Variants in AKAP19 observed in about 807,000 individuals in gnomAD.
AKAP19 encodes A-kinase anchoring protein 19.
At chr2:190,016,815 G>T in the AKAP19 span, among the ~76,000 whole-genome samples, 1 of 152,188 alleles carries the variant, frequency 6.6e-6, no homozygotes, top group Non-Finnish European at 1.5e-5. Context: ...GGTCTAAAAT[G>T]TAGTTCAAGT....
the AKAP19 span, among the ~76,000 whole-genome samples, chr2:189,986,405 C>T: frequency 7.0e-6 from 1 of 143,100 alleles, no homozygotes; most frequent in Non-Finnish European, 1.5e-5. Context: ...AAACAAAACA[C>T]AAAAAAGAAA....
At chr2:190,008,091 C>T in the AKAP19 span, among the ~76,000 whole-genome samples, 1 of 152,182 alleles carries the variant, frequency 6.6e-6, no homozygotes, top group Non-Finnish European at 1.5e-5. Context: ...CTTGGAAAAA[C>T]CAAAGCAGTA....
the AKAP19 span, among the ~76,000 whole-genome samples, chr2:190,127,271 C>T: frequency 6.6e-6 from 1 of 151,180 alleles, no homozygotes; most frequent in Non-Finnish European, 1.5e-5. Flanking sequence ...GAGGAAAAAG[C>T]AGAATGAATG....
the AKAP19 span, among the ~76,000 whole-genome samples, chr2:189,889,038 T>C: frequency 6.6e-6 from 1 of 151,012 alleles, no homozygotes; most frequent in African/African-American, 2.4e-5. Context: ...TGCTTCCAGC[T>C]TTTGCCCATT....
the AKAP19 span, among the ~76,000 whole-genome samples, chr2:190,121,878 TTGTTTTTG>T: frequency 6.6e-6 from 1 of 152,168 alleles, no homozygotes; most frequent in African/African-American, 2.4e-5. Context: ...ATGGGATTTT[TTGTTTTTG>T]TGTTTTTTTG....
the AKAP19 span, among the ~76,000 whole-genome samples, chr2:189,905,496 G>A: frequency 6.6e-6 from 1 of 151,954 alleles, no homozygotes; most frequent in South Asian, 2.1e-4. Context: ...TAGCAGATAA[G>A]GTAGTTTTAG....
the AKAP19 span, among the ~76,000 whole-genome samples, chr2:189,883,127 C>T: frequency 5.3e-5 from 8 of 152,138 alleles, 1 homozygote; most frequent in Admixed American, 5.2e-4. Context: ...ACCTGGAGAG[C>T]TTATTAAGCG....
the AKAP19 span, among the ~76,000 whole-genome samples, chr2:189,911,240 G>A: frequency 6.6e-6 from 1 of 152,092 alleles, no homozygotes; most frequent in Admixed American, 6.5e-5. Context: ...AAGCTGAGAT[G>A]TGTTACTCTT....
the AKAP19 span, among the ~76,000 whole-genome samples, chr2:190,042,233 G>A: frequency 6.6e-6 from 1 of 152,062 alleles, no homozygotes; most frequent in Admixed American, 6.6e-5. Context: ...GTTACTTCAT[G>A]GCTCAGTGTT....
chr2:189,992,158 C>A, the AKAP19 span, among the ~76,000 whole-genome samples: 1 of 151,438 alleles, frequency 6.6e-6, no homozygotes, highest in Admixed American at 6.6e-5. Flanking sequence ...TGGACTCAAG[C>A]AATTCTCCTG....
At chr2:190,114,850 C>T in the AKAP19 span, among the ~76,000 whole-genome samples, 1 of 151,992 alleles carries the variant, frequency 6.6e-6, no homozygotes, top group Non-Finnish European at 1.5e-5. Flanking sequence ...AGTCTAATGC[C>T]TAATTTGTAT....
chr2:189,971,942 C>T, the AKAP19 span, among the ~76,000 whole-genome samples: 2 of 151,678 alleles, frequency 1.3e-5, no homozygotes, highest in East Asian at 3.9e-4. Context: ...TGCCTGTTCA[C>T]TCTGATGGTA....
At chr2:190,004,240 T>C in the AKAP19 span, among the ~76,000 whole-genome samples, 1 of 152,204 alleles carries the variant, frequency 6.6e-6, no homozygotes, top group South Asian at 2.1e-4. Context: ...AACCTGCACA[T>C]TGTGCACATG....
chr2:190,166,332 T>TC, the AKAP19 span, among the ~76,000 whole-genome samples: 1 of 143,118 alleles, frequency 7.0e-6, no homozygotes, highest in Non-Finnish European at 1.5e-5. Context: ...TTTTTTTTTT[T>TC]TTTTTTTTTG....
At chr2:189,935,730 A>C in the AKAP19 span, among the ~76,000 whole-genome samples, 1 of 152,146 alleles carries the variant, frequency 6.6e-6, no homozygotes, top group East Asian at 1.9e-4. Flanking sequence ...GAAAATCTTC[A>C]CATTTCACAT....
At chr2:190,158,790 A>G in the AKAP19 span, among the ~76,000 whole-genome samples, 2 of 152,246 alleles carry the variant, frequency 1.3e-5, no homozygotes, top group African/African-American at 4.8e-5. Context: ...CAGAACAGAT[A>G]TGATCACAGG....
the AKAP19 span, among the ~76,000 whole-genome samples, chr2:190,069,175 T>TGTGTGTGTGTGAGAGAGAGA: frequency 8.1e-6 from 1 of 123,506 alleles, no homozygotes; most frequent in Non-Finnish European, 1.6e-5. Context: ...TGTGTGTGTG[T>TGTGTGTGTGTGAGAGAGAGA]GAGAGAGAGA....
chr2:190,042,818 G>A, the AKAP19 span, among the ~76,000 whole-genome samples: 2 of 152,170 alleles, frequency 1.3e-5, no homozygotes, highest in Admixed American at 1.3e-4. Flanking sequence ...GTGTGTTAAG[G>A]TATTAGCTGG....
chr2:189,939,164 GCTCT>G, the AKAP19 span, among the ~76,000 whole-genome samples: 2 of 152,186 alleles, frequency 1.3e-5, no homozygotes, highest in African/African-American at 4.8e-5. Context: ...TGGAAACTCT[GCTCT>G]GTTACTCCAC....
Sources: gnomAD v4.1 joint callset for allele counts (sites outside exome capture counted in the v4.1 genomes callset) on GRCh38, gnomAD v4.1.1 for gene constraint, MANE v1.5 for transcripts, NCBI Gene and HGNC (gene_info 2026-07-23, HGNC 2026-07-21) for gene names.